SHLD1: variants seen among roughly 807,000 people sequenced by gnomAD.
SHLD1 encodes RINN1-REV7-interacting novel NHEJ regulator 3.
A neutral mutation model predicts 5.5 loss-of-function variants in SHLD1; 3 were observed. The ratio of observed to expected loss-of-function variants is 0.54; its 90% CI spans 0.25 to 1.40. SHLD1 has a LOEUF of 1.40. SHLD1 is among the 40% of genes most tolerant of loss of function. SHLD1 has a pLI of 0.15. For synonymous variants in SHLD1, 92 were observed against 94.3 expected (o/e 0.98, Z 0.14); for missense variants, 210 against 244.4 (o/e 0.86, Z 0.94).
At chr20:5,752,415 A>AAG (rs1225645450) in intron 1 of SHLD1, among the ~76,000 whole-genome samples, 1 of 151,540 alleles carries the variant, frequency 6.6e-6, no homozygotes, top group Admixed American at 6.6e-5. Flanking sequence ...AAAAACAAAA[A>AAG]AGAGAGAATA....
At chr20:5,755,462 C>G (rs937231494) in intron 1 of SHLD1, among the ~76,000 whole-genome samples, 3 of 152,224 alleles carry the variant, frequency 2.0e-5, no homozygotes, top group Non-Finnish European at 4.4e-5. Flanking sequence ...ACCGTCCCCC[C>G]ACCCCCAGTC....
chr20:5,800,187 A>G (rs1338843465), intron 2 of SHLD1, among the ~76,000 whole-genome samples: 1 of 152,218 alleles, frequency 6.6e-6, no homozygotes, highest in Non-Finnish European at 1.5e-5. Flanking sequence ...TTGCAGCCCA[A>G]ACATGTCAAT....
At chr20:5,791,967 T>C (rs2087148006) in intron 2 of SHLD1, among the ~76,000 whole-genome samples, 1 of 152,226 alleles carries the variant, frequency 6.6e-6, no homozygotes, top group Admixed American at 6.5e-5. Flanking sequence ...ACGTTGAACA[T>C]ATTTTCCACA....
chr20:5,811,897 C>T lies in SHLD1; in HGVS notation c.178+38854C>T, dbSNP rs375865015. On this transcript the variant is annotated intron_variant, in intron 2 of 2. Coordinates refer to ENST00000303142, the MANE Select transcript of SHLD1 (RefSeq NM_152504.4). ...GAATTTGAACACCTGCACTAAACCC[C>T]ATCTCCACCACTGCCGGCTGTATAA... 7.9e-5 allele frequency among the ~76,000 whole-genome samples: 12 copies of T among 151,974 alleles called. No individual in the cohort carries two copies. The East Asian group carries it at 1.7e-3, about 22-fold the overall frequency.
At chr20:5,814,125 G>A (rs1177890031) in intron 2 of SHLD1, among the ~76,000 whole-genome samples, 4 of 151,326 alleles carry the variant, frequency 2.6e-5, no homozygotes, top group Admixed American at 2.6e-4. Context: ...GCTAATTTTT[G>A]TATTTTTTTT....
At chr20:5,827,012 C>G (rs2087674081) in intron 2 of SHLD1, among the ~76,000 whole-genome samples, 1 of 152,128 alleles carries the variant, frequency 6.6e-6, no homozygotes, top group South Asian at 2.1e-4. Context: ...CCCACTCCCA[C>G]CCCATTTCCT....
chr20:5,775,443 C>G (rs1985378465), intron 2 of SHLD1, among the ~76,000 whole-genome samples: 1 of 152,076 alleles, frequency 6.6e-6, no homozygotes, highest in Non-Finnish European at 1.5e-5. Context: ...CTTTTTATTG[C>G]CTGTTAGTTG....
chr20:5,850,669 C>T (rs1188489356), intron 2 of SHLD1, among the ~76,000 whole-genome samples: 5 of 152,110 alleles, frequency 3.3e-5, no homozygotes, highest in Admixed American at 2.6e-4. Context: ...TGCCACCACA[C>T]CCAGCTAATT....
intron 2 of SHLD1, among the ~76,000 whole-genome samples, chr20:5,826,524 T>G (rs1355297143): frequency 2.6e-5 from 4 of 152,060 alleles, no homozygotes; most frequent in Non-Finnish European, 4.4e-5. Flanking sequence ...TCCAAGTGGC[T>G]TTCCTTTGAC....
chr20:5,825,332 G>T (rs182449498), intron 2 of SHLD1, among the ~76,000 whole-genome samples: 11 of 152,344 alleles, frequency 7.2e-5, no homozygotes, highest in African/African-American at 2.6e-4. Context: ...CCACTGGGTG[G>T]CTGCAGGCTC....
At chr20:5,757,071 CTTTTTTTTTTT>C (rs753877287) in intron 1 of SHLD1, among the ~76,000 whole-genome samples, 1 of 123,226 alleles carries the variant, frequency 8.1e-6, no homozygotes, top group Admixed American at 8.3e-5. Context: ...TTCTTTCTTT[CTTTTTTTTTTT>C]TTTTTTTTGA....
intron 2 of SHLD1, among the ~76,000 whole-genome samples, chr20:5,777,215 C>A (rs1396991170): frequency 1.3e-5 from 2 of 152,160 alleles, no homozygotes; most frequent in African/African-American, 4.8e-5. Flanking sequence ...TCTTGAACTC[C>A]TGACCTCAAG....
At chr20:5,836,254 C>G (rs192542088) in intron 2 of SHLD1, among the ~76,000 whole-genome samples, 1 of 152,178 alleles carries the variant, frequency 6.6e-6, no homozygotes, top group East Asian at 1.9e-4. Flanking sequence ...CAGTGTTGAA[C>G]AGAGTAGATA....
intron 2 of SHLD1, among the ~76,000 whole-genome samples, chr20:5,807,164 A>G (rs2087389749): frequency 6.6e-6 from 1 of 152,192 alleles, no homozygotes; most frequent in Non-Finnish European, 1.5e-5. Context: ...GTGATTCAAA[A>G]TTGGCACAAT....
intron 2 of SHLD1, among the ~76,000 whole-genome samples, chr20:5,786,891 G>A (rs1166457779): frequency 2.7e-5 from 1 of 37,370 alleles, no homozygotes; most frequent in East Asian, 2.9e-3. Flanking sequence ...GGCTTCTCAA[G>A]CCAGATCATT....
chr20:5,757,618 A>T (rs113968680), intron 1 of SHLD1, among the ~76,000 whole-genome samples: 42 of 151,750 alleles, frequency 2.8e-4, no homozygotes, highest in African/African-American at 9.7e-4. Flanking sequence ...TTTTCTTTTT[A>T]TGAGATGGAG....
chr20:5,816,949 G>A (rs1738353676), intron 2 of SHLD1, among the ~76,000 whole-genome samples: 1 of 152,048 alleles, frequency 6.6e-6, no homozygotes, highest in South Asian at 2.1e-4. Context: ...CCTGCCTGTA[G>A]CCCCAGTTAT....
chr20:5,837,070 G>A (rs2087797941), intron 2 of SHLD1, among the ~76,000 whole-genome samples: 1 of 152,196 alleles, frequency 6.6e-6, no homozygotes, highest in African/African-American at 2.4e-5. Context: ...GAGCAAGCCT[G>A]GAGGGCAGCC....
intron 2 of SHLD1, among the ~76,000 whole-genome samples, chr20:5,791,458 G>A (rs995743978): frequency 5.9e-5 from 9 of 151,296 alleles, no homozygotes; most frequent in African/African-American, 1.9e-4. Flanking sequence ...CAGCTACTTC[G>A]GGAACTGAGC....
Sources: gnomAD v4.1 joint callset for allele counts (sites outside exome capture counted in the v4.1 genomes callset) on GRCh38, gnomAD v4.1.1 for gene constraint, MANE v1.5 for transcripts, NCBI Gene and HGNC (gene_info 2026-07-23, HGNC 2026-07-21) for gene names.